PCP2: variants seen among roughly 807,000 people sequenced by gnomAD.
The protein encoded by PCP2 is Purkinje cell protein 2.
PCP2 carries 21 observed loss-of-function variants against 18.3 expected under a neutral mutation model. The ratio of observed to expected loss-of-function variants is 1.14; its 90% CI spans 0.81 to 1.65. PCP2 has a LOEUF of 1.65. Among genes scored for constraint, PCP2 ranks in the 40% most tolerant of loss-of-function variants. The probability of loss-of-function intolerance (pLI) is 0.00; values close to 1 mark genes in which losing one functional copy is unlikely to be tolerated. For missense variants in PCP2, 202 were observed against 201.8 expected (o/e 1.00, Z 0.00); for synonymous variants, 85 against 77.6 (o/e 1.10, Z -0.50).
At position 7,631,793 on chromosome 19, in the gene PCP2, G is replaced by A. The variant is rs759833880; in HGVS notation, c.307C>T (p.Arg103Ter). 7.7e-6 allele frequency: 11 copies of A among 1,421,762 alleles called. No homozygotes were observed. The highest frequency in any genetic ancestry group is 5.2e-5 in the East Asian group (2 of 38,268). The allele number at this position is 1,421,762 out of a possible 1,614,324, so 88.1% of individuals were successfully genotyped here. A position where few individuals can be genotyped will look rare whatever the true frequency, so the allele number is the denominator to read the frequency against. ...GGTTGGGGACTGAGGGTCCCAGCTCGTTTCTGTGCTCCGTCCTGTGGATGA... is the reference window on the plus strand; with the variant it reads ...GGTTGGGGACTGAGGGTCCCAGCTCATTTCTGTGCTCCGTCCTGTGGATGA... ...PVGSKDGAQKRAGTLSPQPLL... is the reference protein window; with the variant it reads ...PVGSKDGAQK The change falls in exon 4 of 4, where the codon CGA becomes TGA. Residue 103 changes from arginine to a stop codon, truncating the protein, a stop_gained. Coordinates refer to ENST00000311069, the MANE Select transcript of PCP2 (RefSeq NM_174895.3). LOFTEE classifies it high-confidence loss of function.
At position 7,633,043 on chromosome 19, in the gene PCP2, C is replaced by G. The variant is rs535934746; in HGVS notation, c.52-213G>C. ...CGGCCCCCGCCCCAGGGGCCCTGGC[C>G]AGCAGTGCCACTTCACGTGGTACCG... On this transcript the variant is annotated intron_variant, in intron 1 of 3. Coordinates refer to ENST00000311069, the MANE Select transcript of PCP2 (RefSeq NM_174895.3). 2.5e-4 allele frequency: 349 copies of G among 1,412,464 alleles called. 3 individuals are homozygous for G. The East Asian group carries it at 8.6e-3, about 35-fold the overall frequency. 87.5% of individuals were successfully genotyped at this position (1,412,464 alleles called of 1,614,324 possible). A position where few individuals can be genotyped will look rare whatever the true frequency, so the allele number is the denominator to read the frequency against.
upstream of PCP2, among the ~76,000 whole-genome samples, chr19:7,635,082 G>C (rs1373657415): frequency 6.6e-6 from 1 of 152,164 alleles, no homozygotes; most frequent in Non-Finnish European, 1.5e-5. Flanking sequence ...TGGGGTATTG[G>C]GGATTAGTAC....
upstream of PCP2, among the ~76,000 whole-genome samples, chr19:7,635,202 G>C (rs2031479377): frequency 6.6e-6 from 1 of 152,178 alleles, no homozygotes; most frequent in Admixed American, 6.5e-5. Context: ...ATCCCCCCAG[G>C]ATCTGGAGGG....
At position 7,633,539 on chromosome 19, in the gene PCP2, G is replaced by A; in HGVS notation, c.-82C>T. The A allele has an allele frequency of 1.4e-6, 2 of 1,404,922 alleles. No homozygotes were observed. Among genetic ancestry groups the A allele is most frequent in the Non-Finnish European group, 2.0e-6 (2 of 1,017,528 alleles). 87.0% of individuals were successfully genotyped at this position (1,404,922 alleles called of 1,614,324 possible). ...GGGCCTTTTAAACGTCCAGGACGTG[G>A]GGGTGTGGATTCCCCCCATCCCCAA... On this transcript the variant is annotated 5_prime_UTR_variant, in exon 1 of 4. Coordinates refer to ENST00000311069, the MANE Select transcript of PCP2 (RefSeq NM_174895.3).
chr19:7,636,969 C>A (rs1014852444), upstream of PCP2: 2 of 576,570 alleles, frequency 3.5e-6, no homozygotes, highest in Non-Finnish European at 2.6e-6. Context: ...GACGCACCTG[C>A]CCGTCCTCCC....
chr19:7,631,788 A>G lies in PCP2; in HGVS notation c.312T>C (p.Ala104=). ...VGSKDGAQKR[A]GTLSPQPLLT... ...GCAGGGGTTGGGGACTGAGGGTCCC[A>G]GCTCGTTTCTGTGCTCCGTCCTGTG... Residue 104 remains alanine (A), a synonymous_variant, in exon 4 of 4, where the codon GCT becomes GCC. Coordinates refer to ENST00000311069, the MANE Select transcript of PCP2 (RefSeq NM_174895.3). 1 of 1,419,022 alleles carries G rather than the reference A, an allele frequency of 7.0e-7. No individual in the cohort carries two copies. Among genetic ancestry groups the G allele is most frequent in the South Asian group, 1.8e-5 (1 of 56,102 alleles). 87.9% of individuals were successfully genotyped at this position (1,419,022 alleles called of 1,614,324 possible).
At chr19:7,635,226 C>G (rs1245797573), upstream of PCP2, among the ~76,000 whole-genome samples, 1 of 152,154 alleles carries the variant, frequency 6.6e-6, no homozygotes, top group Non-Finnish European at 1.5e-5. Context: ...CCCGCCTTCC[C>G]CTGCTCAAAA....
upstream of PCP2, among the ~76,000 whole-genome samples, chr19:7,634,236 G>A (rs8104879): frequency 4.9e-4 from 75 of 152,050 alleles, no homozygotes; most frequent in African/African-American, 1.8e-3. Flanking sequence ...CTTTTCCCCC[G>A]AGCCACTGTG....
In PCP2 at chr19:7,632,693, A is replaced by G; in HGVS notation, c.166+23T>C. 2.6e-6 allele frequency: 4 copies of G among 1,549,516 alleles called. No homozygotes were observed. Among genetic ancestry groups the G allele is most frequent in the Non-Finnish European group, 3.5e-6 (4 of 1,152,618 alleles). ...CCCACCCCGTTCACGCCCCATGGAC[A>G]GCACCCCCGTGCCCATGCTCACGGC... On this transcript the variant is annotated intron_variant, in intron 2 of 3. Transcript: ENST00000311069. The surrounding 1 kb of genome is among the most constrained non-coding windows in gnomAD (Gnocchi z 5.2).
chr19:7,631,999 C>T, intron 3 of PCP2, 191 bp from the exon 4 acceptor site: 1 of 527,260 alleles, frequency 1.9e-6, no homozygotes, highest in South Asian at 5.0e-5. Flanking sequence ...GGGGCCCTCG[C>T]TGGGATCTTG....
chr19:7,632,676 G>T lies in PCP2; in HGVS notation c.166+40C>A, dbSNP rs758454895. 5 of 1,549,288 alleles carry T rather than the reference G, an allele frequency of 3.2e-6. No individual in the cohort carries two copies. In the South Asian group the frequency reaches 5.8e-5, roughly 18 times the overall value. ...ACCACTTGCCCTGCACTCCCACCCC[G>T]TTCACGCCCCATGGACAGCACCCCC... On this transcript the variant is annotated intron_variant, in intron 2 of 3. Transcript: ENST00000311069. This position sits in a 1 kb window ranked among gnomAD's most constrained non-coding sequence, Gnocchi z 5.2.
At chr19:7,636,812 C>G (rs1213221569), upstream of PCP2, 3 of 283,952 alleles carry the variant, frequency 1.1e-5, no homozygotes, top group Non-Finnish European at 2.0e-5. Flanking sequence ...GTGTATCTTG[C>G]AGGCACAGAA....
At chr19:7,636,229 C>T (rs2031527722), upstream of PCP2, 1 of 152,146 alleles carries the variant, frequency 6.6e-6, no homozygotes, top group African/African-American at 2.4e-5. Flanking sequence ...GCGAAGGAAC[C>T]AGCTCAGACC....
chr19:7,635,359 A>G (rs991216060), upstream of PCP2, among the ~76,000 whole-genome samples: 2 of 152,242 alleles, frequency 1.3e-5, no homozygotes, highest in Non-Finnish European at 2.9e-5. Flanking sequence ...TAGGTCAGCG[A>G]GTTGTATGGT....
rs1326121013 is a variant in PCP2, at chr19:7,633,451, C to T, written c.7G>A (p.Asp3Asn). The change falls in exon 1 of 4, where the codon GAT becomes AAT. Residue 3 changes from aspartate (D) to asparagine (N), a missense_variant. Transcript: ENST00000311069. MM[D>N]QEEKTEEGSG... ...CCTTCCTCCGTCTTCTCCTCCTGAT[C>T]CATCATGTCCCTGGACTCCAGTCAC... 1.3e-6 allele frequency: 2 copies of T among 1,576,486 alleles called. No individual in the cohort carries two copies. Among genetic ancestry groups the T allele is most frequent in the Non-Finnish European group, 1.7e-6 (2 of 1,159,670 alleles).
rs773945099 is a variant in PCP2 at position 7,632,089 on chromosome 19, G to A, written c.292-281C>T. 4 of 554,958 alleles carry A rather than the reference G, an allele frequency of 7.2e-6. No homozygotes were observed. Among genetic ancestry groups the A allele is most frequent in the South Asian group, 5.2e-5 (2 of 38,262 alleles). 34.4% of individuals were successfully genotyped at this position (554,958 alleles called of 1,614,324 possible). ...GTATATATCCTATGTGTGAGCTTAC[G>A]TGACTTCCTCCCTGGGATACTTTCC... is the stretch of plus-strand genomic sequence containing the variant. On this transcript the variant is annotated intron_variant, in intron 3 of 3. Transcript: ENST00000311069. This position sits in a 1 kb window ranked among gnomAD's most constrained non-coding sequence, Gnocchi z 5.2.
In PCP2 at chr19:7,633,560, C is replaced by T; in HGVS notation, c.-103G>A. The T allele has an allele frequency of 1.8e-6, 2 of 1,113,194 alleles. No homozygotes were observed. Among genetic ancestry groups the T allele is most frequent in the Non-Finnish European group, 2.6e-6 (2 of 759,414 alleles). The allele number at this position is 1,113,194 out of a possible 1,614,324, so 69.0% of individuals were successfully genotyped here. A position where few individuals can be genotyped will look rare whatever the true frequency, so the allele number is the denominator to read the frequency against. ...CGTGGGGGTGTGGATTCCCCCCATCCCCAAATCCCCAGCTCATGCCCCATC... is the reference window on the plus strand; with the variant it reads ...CGTGGGGGTGTGGATTCCCCCCATCTCCAAATCCCCAGCTCATGCCCCATC... On this transcript the variant is annotated 5_prime_UTR_variant, in exon 1 of 4. Transcript: ENST00000311069.
chr19:7,632,304 G>A lies in PCP2; in HGVS notation c.291+89C>T. On this transcript the variant is annotated intron_variant, in intron 3 of 3. Coordinates refer to ENST00000311069, the MANE Select transcript of PCP2 (RefSeq NM_174895.3). This position sits in a 1 kb window ranked among gnomAD's most constrained non-coding sequence, Gnocchi z 5.2. The stretch of plus-strand genomic sequence containing the variant: ...CAGCGGATGGACAGAGATGGGGCAG[G>A]CCCTGTTCCCTCCTGGCTGGGGTGG... 1 of 1,564,048 alleles carries A rather than the reference G, an allele frequency of 6.4e-7. No individual in the cohort carries two copies. The highest frequency in any genetic ancestry group is 1.2e-5 in the South Asian group (1 of 85,292).
intron 1 of PCP2, 30 bp downstream of exon 1, chr19:7,633,376 TG>T: frequency 6.5e-7 from 1 of 1,549,382 alleles, no homozygotes; most frequent in Admixed American, 1.9e-5. Flanking sequence ...GACCTTGAGC[TG>T]GGGGTGGGGT....
Sources: allele counts gnomAD v4.1 joint callset (sites outside exome capture counted in the v4.1 genomes callset), GRCh38; gene constraint gnomAD v4.1.1; non-coding constraint Gnocchi (gnomAD v3.1); transcripts MANE v1.5; gene names NCBI Gene and HGNC (gene_info 2026-07-23, HGNC 2026-07-21).